Variants in TGIF1 observed in about 807,000 individuals in gnomAD.
The protein encoded by TGIF1 is TGFB induced factor homeobox 1, also known as homeobox protein TGIF1.
Under a neutral mutation model 19.3 loss-of-function variants are expected in TGIF1, and 4 were observed. The ratio of observed to expected loss-of-function variants is 0.21; its 90% CI spans 0.10 to 0.47. The LOEUF is 0.47. Among genes scored for constraint, TGIF1 ranks in the 20% least tolerant of loss-of-function variants. TGIF1 has a pLI of 0.98. For missense variants in TGIF1, 275 were observed against 341.4 expected (o/e 0.81, Z 1.53); for synonymous variants, 122 against 129.3 (o/e 0.94, Z 0.38).
Position 3,457,802 on chromosome 18 carries a change from TAC to T in TGIF1, c.685_686del (p.Gln229GlufsTer57). On this transcript the variant is annotated frameshift_variant, in exon 3 of 3. Transcript: ENST00000343820. LOFTEE classifies it high-confidence loss of function. The surrounding 1 kb of genome is among the most constrained non-coding windows in gnomAD (Gnocchi z 4.9). ...CTTGTAAATCTGGACCAAGTACGAA[TAC>T]ACAGAGTGGTCTTTTCAACACTCCT... ...DTCKSGPSTN[T>X]QSGLFNTPPP... 1.2e-6 allele frequency: 2 copies of T among 1,613,906 alleles called. No individual in the cohort carries two copies. Among genetic ancestry groups the T allele is most frequent in the Non-Finnish European group, 1.7e-6 (2 of 1,180,042 alleles).
At chr18:3,449,324 G>A, upstream of TGIF1, 2 of 952,958 alleles carry the variant, frequency 2.1e-6, no homozygotes, top group Middle Eastern at 5.4e-4. Context: ...AAAAGTGGCC[G>A]CTGCCGGGGT....
upstream of TGIF1, among the ~76,000 whole-genome samples, chr18:3,449,233 C>G (rs897240065): frequency 2.0e-5 from 3 of 152,178 alleles, no homozygotes; most frequent in East Asian, 5.8e-4. Flanking sequence ...GGAGGGATCC[C>G]CTAGCAGGGT....
intron 2 of TGIF1, among the ~76,000 whole-genome samples, chr18:3,422,159 A>G (rs1258449711): frequency 6.9e-6 from 1 of 144,430 alleles, no homozygotes; most frequent in African/African-American, 2.6e-5. Flanking sequence ...GCGCCACTGC[A>G]CTCCAGCCTG....
chr18:3,451,595 A>AT lies in TGIF1; in HGVS notation c.16+1092dup. The AT allele has an allele frequency of 9.6e-7, 1 of 1,044,170 alleles. No homozygotes were observed. Among genetic ancestry groups the AT allele is most frequent in the South Asian group, 4.5e-5 (1 of 22,332 alleles). The allele number at this position is 1,044,170 out of a possible 1,614,324, so 64.7% of individuals were successfully genotyped here. On this transcript the variant is annotated intron_variant, in intron 1 of 2. Transcript: ENST00000343820. This position sits in a 1 kb window ranked among gnomAD's most constrained non-coding sequence, Gnocchi z 5.4. The stretch of plus-strand genomic sequence containing the variant: ...AGCCGCCTGGAGTTTGGAACTCCAC[A>AT]TTCTTTCAGACCCGGCCCGCTGCGG...
At chr18:3,430,777 G>A (rs1230151147) in intron 2 of TGIF1, among the ~76,000 whole-genome samples, 2 of 151,134 alleles carry the variant, frequency 1.3e-5, no homozygotes, top group Non-Finnish European at 2.9e-5. Flanking sequence ...CTCCCAAAAT[G>A]CTGGGATTAT....
Position 3,451,844 on chromosome 18 carries a change from A to G in TGIF1, c.16+1339A>G. ...CTCGGGACAGGGAATTGGCCCTGGG[A>G]GAAAACGCGCGGGGGGCGTCCGAGA... On this transcript the variant is annotated intron_variant, in intron 1 of 2. Transcript: ENST00000343820. This position sits in a 1 kb window ranked among gnomAD's most constrained non-coding sequence, Gnocchi z 5.4. The G allele has an allele frequency of 5.8e-6, 8 of 1,390,616 alleles. No homozygotes were observed. The highest frequency in any genetic ancestry group is 7.5e-6 in the Non-Finnish European group (8 of 1,072,012). The allele number at this position is 1,390,616 out of a possible 1,614,324, so 86.1% of individuals were successfully genotyped here.
At chr18:3,445,315 T>A (rs945428591), upstream of TGIF1, among the ~76,000 whole-genome samples, 1 of 152,178 alleles carries the variant, frequency 6.6e-6, no homozygotes, top group African/African-American at 2.4e-5. Flanking sequence ...ATTGCCTTTG[T>A]GCATAATATA....
At chr18:3,446,124 C>T (rs1437342181), upstream of TGIF1, among the ~76,000 whole-genome samples, 2 of 152,158 alleles carry the variant, frequency 1.3e-5, no homozygotes, top group East Asian at 1.9e-4. Context: ...AAGAATAATA[C>T]AGACACAGAT....
intron 2 of TGIF1, among the ~76,000 whole-genome samples, chr18:3,428,767 C>T (rs1198002566): frequency 1.3e-5 from 2 of 150,874 alleles, no homozygotes; most frequent in Admixed American, 1.3e-4. Context: ...ATAGGTCAGG[C>T]GCAGTGGCTC....
At chr18:3,419,397 T>G (rs2082372109) in intron 2 of TGIF1, among the ~76,000 whole-genome samples, 1 of 152,206 alleles carries the variant, frequency 6.6e-6, no homozygotes, top group Admixed American at 6.5e-5. Flanking sequence ...ATAATTATCT[T>G]TTCCTTGACC....
chr18:3,416,972 A>C (rs1249418365), intron 1 of TGIF1, among the ~76,000 whole-genome samples: 4 of 152,190 alleles, frequency 2.6e-5, no homozygotes, highest in Admixed American at 6.6e-5. Context: ...TAATAAAATC[A>C]AATAAAATTT....
intron 1 of TGIF1, among the ~76,000 whole-genome samples, chr18:3,454,519 T>C (rs1006528493): frequency 6.6e-6 from 1 of 152,348 alleles, no homozygotes; most frequent in Non-Finnish European, 1.5e-5. Flanking sequence ...TCGATTTCTT[T>C]AATTATTAAA....
chr18:3,439,442 C>T (rs1317554685), intron 2 of TGIF1, among the ~76,000 whole-genome samples: 1 of 151,314 alleles, frequency 6.6e-6, no homozygotes, highest in Non-Finnish European at 1.5e-5. Flanking sequence ...CTCCCAGGTT[C>T]AAGCGATTCT....
intron 2 of TGIF1, among the ~76,000 whole-genome samples, chr18:3,435,000 C>T (rs376538308): frequency 6.6e-6 from 1 of 152,040 alleles, no homozygotes; most frequent in East Asian, 1.9e-4. Flanking sequence ...TTACTCATTG[C>T]TTTTTTACAG....
At chr18:3,419,252 T>C (rs1164570845) in intron 2 of TGIF1, among the ~76,000 whole-genome samples, 2 of 152,076 alleles carry the variant, frequency 1.3e-5, no homozygotes, top group Non-Finnish European at 2.9e-5. Context: ...AAAAACAAAG[T>C]TAGATTAAAT....
intron 2 of TGIF1, among the ~76,000 whole-genome samples, chr18:3,435,920 G>A (rs370612459): frequency 2.0e-5 from 3 of 152,024 alleles, no homozygotes; most frequent in African/African-American, 7.3e-5. Flanking sequence ...GAGTGCAGTG[G>A]CATGATCATA....
chr18:3,457,652 T>G lies in TGIF1; in HGVS notation c.531T>G (p.Thr177=). Residue 177 remains threonine (T), a synonymous_variant, in exon 3 of 3, where the codon ACT becomes ACG. Transcript: ENST00000343820. The surrounding 1 kb of genome is among the most constrained non-coding windows in gnomAD (Gnocchi z 4.9). ...GTCCATCAGTGATCTGCCATACCAC[T>G]GTGACTGCATTGAAAGATGTCCCTT... ...LARPSVICHT[T]VTALKDVPFS... is the part of the protein sequence containing the mutation. The G allele has an allele frequency of 6.2e-7, 1 of 1,614,230 alleles. No homozygotes were observed. Among genetic ancestry groups the G allele is most frequent in the Non-Finnish European group, 8.5e-7 (1 of 1,180,036 alleles).
intron 2 of TGIF1, among the ~76,000 whole-genome samples, chr18:3,437,953 G>A (rs1265323809): frequency 1.3e-5 from 2 of 152,056 alleles, no homozygotes; most frequent in South Asian, 2.1e-4. Flanking sequence ...GTGTGGTGGT[G>A]CACGCTTGTA....
rs774513870 is a variant in TGIF1 at position 3,457,881 on chromosome 18, G to C, written c.760G>C (p.Val254Leu). 1 of 1,604,758 alleles carries C rather than the reference G, an allele frequency of 6.2e-7. No individual in the cohort carries two copies. The highest frequency in any genetic ancestry group is 2.2e-5 in the East Asian group (1 of 44,878). ...NQDFSGFQLLVDVALKRAAEM... is the reference protein window; with the variant it reads ...NQDFSGFQLLLDVALKRAAEM... ...GGACTTCAGTGGATTTCAGCTTCTA[G>C]TGGATGTTGCACTCAAACGGGCTGC... Residue 254 changes from valine to leucine, a missense_variant, in exon 3 of 3, where the codon GTG becomes CTG. Val to Leu is a conservative substitution (Grantham distance 32, BLOSUM62 1). Coordinates refer to ENST00000343820, the MANE Select transcript of TGIF1 (RefSeq NM_003244.4). This position sits in a 1 kb window ranked among gnomAD's most constrained non-coding sequence, Gnocchi z 4.9.
Sources: gnomAD v4.1 joint callset for allele counts (sites outside exome capture counted in the v4.1 genomes callset) on GRCh38, gnomAD v4.1.1 for gene constraint, Gnocchi (gnomAD v3.1) non-coding constraint, MANE v1.5 for transcripts, NCBI Gene and HGNC (gene_info 2026-07-23, HGNC 2026-07-21) for gene names.